SOX6: variants seen among roughly 807,000 people sequenced by gnomAD.
The protein encoded by SOX6 is transcription factor SOX-6.
Under a neutral mutation model 97.8 loss-of-function variants are expected in SOX6, and 11 were observed. The observed-to-expected ratio is 0.11, with a 90% confidence interval of 0.07 to 0.19. The LOEUF (loss-of-function observed/expected upper bound fraction) is 0.19, where lower values mean the gene tolerates loss of function less well. SOX6 is among the 10% of genes least tolerant of loss of function. SOX6 has a pLI of 1.00. For synonymous variants in SOX6, 360 were observed against 371.4 expected (o/e 0.97, Z 0.35); for missense variants, 810 against 1,039.5 (o/e 0.78, Z 3.04).
chr11:16,689,359 C>T (rs1420649276), intron 3 of SOX6, among the ~76,000 whole-genome samples: 1 of 152,184 alleles, frequency 6.6e-6, no homozygotes, highest in Non-Finnish European at 1.5e-5. Flanking sequence ...TTCCTTGTGC[C>T]ATACATAGCC....
intron 4 of SOX6, among the ~76,000 whole-genome samples, chr11:16,198,083 T>C (rs1851833838): frequency 6.6e-6 from 1 of 151,846 alleles, no homozygotes; most frequent in African/African-American, 2.4e-5. Flanking sequence ...GATGGCGTTT[T>C]GCACTTCTTG....
intron 3 of SOX6, among the ~76,000 whole-genome samples, chr11:16,612,563 T>C (rs1333550419): frequency 2.2e-5 from 2 of 91,018 alleles, no homozygotes; most frequent in Admixed American, 1.6e-4. Flanking sequence ...CACTTCTTTT[T>C]AAACACATTG....
At chr11:16,037,659 C>T (rs1026214042) in intron 12 of SOX6, among the ~76,000 whole-genome samples, 1 of 152,120 alleles carries the variant, frequency 6.6e-6, no homozygotes, top group East Asian at 1.9e-4. Context: ...AGTCACAGAC[C>T]TGTGAGTTGT....
intron 3 of SOX6, among the ~76,000 whole-genome samples, chr11:16,680,785 C>T (rs570993361): frequency 6.6e-6 from 1 of 151,950 alleles, no homozygotes; most frequent in South Asian, 2.1e-4. Context: ...AAATGGAAAA[C>T]AAAAAAACGC....
chr11:16,234,545 C>T lies in SOX6; in HGVS notation c.535+37G>A, dbSNP rs1565037330. 5 of 1,180,218 alleles carry T rather than the reference C, an allele frequency of 4.2e-6. No homozygotes were observed. The South Asian group carries it at 5.1e-5, about 12-fold the overall frequency. 73.1% of individuals were successfully genotyped at this position (1,180,218 alleles called of 1,614,324 possible). ...ATTGTTATACAAAATAACATCACAT[C>T]ACTGCATTGACATGTTCGATATATT... On this transcript the variant is annotated intron_variant, in intron 4 of 15. Coordinates refer to ENST00000683767, the MANE Select transcript of SOX6 (RefSeq NM_001367873.1).
At chr11:16,725,346 A>T (rs1023574039) in intron 2 of SOX6, among the ~76,000 whole-genome samples, 1 of 152,180 alleles carries the variant, frequency 6.6e-6, no homozygotes, top group Non-Finnish European at 1.5e-5. Context: ...CAACATGGTG[A>T]AACCTTTCCT....
At chr11:16,568,689 TA>T (rs759381584) in intron 4 of SOX6, among the ~76,000 whole-genome samples, 9 of 152,242 alleles carry the variant, frequency 5.9e-5, no homozygotes, top group South Asian at 2.1e-4. Context: ...TATATGCATT[TA>T]AAAAGTATCT....
chr11:16,393,626 A>G (rs1487042839), intron 1 of SOX6, among the ~76,000 whole-genome samples: 1 of 152,040 alleles, frequency 6.6e-6, no homozygotes, highest in African/African-American at 2.4e-5. Context: ...CATTCTTTTA[A>G]GCCCACACCT....
chr11:16,181,495 T>G (rs1380302749), intron 6 of SOX6, among the ~76,000 whole-genome samples: 7 of 150,880 alleles, frequency 4.6e-5, no homozygotes, highest in African/African-American at 1.7e-4. Context: ...AACAATAATC[T>G]CTCTCTTAAA....
chr11:16,057,009 C>A (rs1847832485), intron 9 of SOX6, among the ~76,000 whole-genome samples: 2 of 152,120 alleles, frequency 1.3e-5, no homozygotes, highest in African/African-American at 4.8e-5. Context: ...ATGTACAGTG[C>A]ACAGTCTCCA....
At chr11:16,690,267 A>G (rs917553052) in intron 3 of SOX6, among the ~76,000 whole-genome samples, 2 of 152,174 alleles carry the variant, frequency 1.3e-5, no homozygotes, top group African/African-American at 4.8e-5. Context: ...TGAGTGTGCT[A>G]AGAGATACAT....
intron 3 of SOX6, among the ~76,000 whole-genome samples, chr11:16,644,644 C>T (rs183439058): frequency 6.6e-6 from 1 of 152,168 alleles, no homozygotes; most frequent in East Asian, 1.9e-4. Flanking sequence ...GTTAATTCTA[C>T]TGTGTATAAT....
chr11:16,535,632 A>G (rs1280165337), intron 4 of SOX6, among the ~76,000 whole-genome samples: 1 of 152,232 alleles, frequency 6.6e-6, no homozygotes, highest in Non-Finnish European at 1.5e-5. Flanking sequence ...AGATCGCAAC[A>G]CTGCACTCTA....
chr11:16,620,526 C>T (rs1848531002), intron 3 of SOX6, among the ~76,000 whole-genome samples: 1 of 152,168 alleles, frequency 6.6e-6, no homozygotes, highest in Admixed American at 6.5e-5. Context: ...CCTCAAGCTT[C>T]CTGAGTAGCT....
At chr11:16,361,599 A>G (rs1857213043) in intron 1 of SOX6, among the ~76,000 whole-genome samples, 1 of 152,164 alleles carries the variant, frequency 6.6e-6, no homozygotes, top group African/African-American at 2.4e-5. Context: ...TAGATAGCAT[A>G]CCTCAGAGTG....
At chr11:16,227,026 C>A (rs61881700) in intron 4 of SOX6, among the ~76,000 whole-genome samples, 1 of 152,054 alleles carries the variant, frequency 6.6e-6, no homozygotes, top group African/African-American at 2.4e-5. Context: ...ACTTTCTGAG[C>A]GACCCTGAAC....
At chr11:16,191,041 G>GTT (rs1851616583) in intron 4 of SOX6, among the ~76,000 whole-genome samples, 1 of 152,138 alleles carries the variant, frequency 6.6e-6, no homozygotes, top group Non-Finnish European at 1.5e-5. Context: ...AACTACAATT[G>GTT]TAAGAGCTGC....
At chr11:16,737,341 G>C (rs922412782) in intron 1 of SOX6, among the ~76,000 whole-genome samples, 2 of 152,032 alleles carry the variant, frequency 1.3e-5, no homozygotes, top group Admixed American at 6.5e-5. Flanking sequence ...CGAGTAGCTG[G>C]GATTAGAGGC....
chr11:16,146,707 C>A (rs1185941206), intron 6 of SOX6, among the ~76,000 whole-genome samples: 1 of 152,168 alleles, frequency 6.6e-6, no homozygotes, highest in African/African-American at 2.4e-5. Context: ...TGAACAGACA[C>A]TTCTCAAAAG....
Sources: allele counts gnomAD v4.1 joint callset (sites outside exome capture counted in the v4.1 genomes callset), GRCh38; gene constraint gnomAD v4.1.1; transcripts MANE v1.5; gene names NCBI Gene and HGNC (gene_info 2026-07-23, HGNC 2026-07-21).